Variants in GATA6 observed in about 807,000 individuals in gnomAD.
GATA6 encodes the protein GATA binding protein 6.
In GATA6, 11 loss-of-function variants were observed where a neutral mutation model predicts 48.1. The observed-to-expected ratio is 0.23, with a 90% CI of 0.14 to 0.38. The LOEUF (loss-of-function observed/expected upper bound fraction) is 0.38, where lower values mean the gene tolerates loss of function less well. Among genes scored for constraint, GATA6 ranks in the 10% least tolerant of loss-of-function variants. GATA6 has a pLI of 1.00. For missense variants in GATA6, 795 were observed against 850.3 expected, an observed-to-expected ratio of 0.93 and a Z score of 0.81; for synonymous variants, 419 against 396.1, an observed-to-expected ratio of 1.06 and a Z score of -0.69.
chr18:22,183,088 T>C, intron 6 of GATA6, 45 bp downstream of exon 6: 1 of 1,418,260 alleles, frequency 7.1e-7, no homozygotes, highest in Non-Finnish European at 1.0e-6. Context: ...TGGGCTGCTC[T>C]CTAGTAAATT....
At chr18:22,181,372 G>T in intron 3 of GATA6, 81 bp from the exon 4 acceptor site, 1 of 1,475,132 alleles carries the variant, frequency 6.8e-7, no homozygotes, top group Non-Finnish European at 9.4e-7. Flanking sequence ...TGATGACAGG[G>T]ACAAAATACC....
At position 22,172,832 on chromosome 18, in the gene GATA6, A is replaced by T. The variant is rs899976227; in HGVS notation, c.1135+553A>T. On this transcript the variant is annotated intron_variant, in intron 2 of 6. Coordinates refer to ENST00000269216, the MANE Select transcript of GATA6 (RefSeq NM_005257.6). The surrounding 1 kb of genome is among the most constrained non-coding windows in gnomAD (Gnocchi z 5.2). ...AGAAGAGCACAACAGAAGAACCTAG[A>T]TGTTCCTAGGGAAGCTAGTTGGCGT... 6.6e-6 allele frequency among the ~76,000 whole-genome samples: 1 copy of T among 152,190 alleles called. No individual in the cohort carries two copies. Among genetic ancestry groups the T allele is most frequent in the Non-Finnish European group, 1.5e-5 (1 of 68,032 alleles).
intron 6 of GATA6, among the ~76,000 whole-genome samples, chr18:22,187,099 CA>C (rs1447184584): frequency 1.3e-5 from 2 of 152,066 alleles, no homozygotes; most frequent in Non-Finnish European, 2.9e-5. Flanking sequence ...CTTTCTGTGG[CA>C]AAAATAGTCT....
chr18:22,171,911 C>T lies in GATA6; in HGVS notation c.767C>T (p.Ala256Val). ...GGGCCTGGCGGCGCTGGCTCAGCCG[C>T]GGCGCACGTCTCGGCGCGCTTCCCC... ...AAGPGGAGSAAAHVSARFPYS... is the reference protein window; with the variant it reads ...AAGPGGAGSAVAHVSARFPYS... Residue 256 changes from alanine (A) to valine (V), a missense_variant, in exon 2 of 7, where the codon GCG becomes GTG. Around this residue, in one of 5 missense-constraint regions of GATA6, gnomAD observed 591 missense variants for 570.0 expected, o/e 1.04. Transcript: ENST00000269216. This position sits in a 1 kb window ranked among gnomAD's most constrained non-coding sequence, Gnocchi z 7.1. 1 of 1,166,090 alleles carries T rather than the reference C, an allele frequency of 8.6e-7. No individual in the cohort carries two copies. 72.2% of individuals were successfully genotyped at this position (1,166,090 alleles called of 1,614,324 possible).
chr18:22,192,531 T>C lies in GATA6; in HGVS notation c.1621-8125T>C, dbSNP rs1458763615. ...TTTTATTCCTTCTGATACTTAGTAC[T>C]TTCCTAATGCTTTTTGTGGTTTAAG... On this transcript the variant is annotated intron_variant, in intron 6 of 6. Coordinates refer to ENST00000269216, the MANE Select transcript of GATA6 (RefSeq NM_005257.6). Among the ~76,000 whole-genome samples, 3 of 152,224 alleles carry C rather than the reference T, an allele frequency of 2.0e-5. No homozygotes were observed. In the South Asian group the frequency reaches 6.2e-4, roughly 32 times the overall value.
At chr18:22,193,668 T>TG in intron 6 of GATA6, among the ~76,000 whole-genome samples, 1 of 152,318 alleles carries the variant, frequency 6.6e-6, no homozygotes, top group East Asian at 1.9e-4. Flanking sequence ...CATCAAAGTC[T>TG]TCTGCTCTGG....
intron 6 of GATA6, among the ~76,000 whole-genome samples, chr18:22,195,648 T>G (rs1197005599): frequency 6.6e-6 from 1 of 152,168 alleles, no homozygotes; most frequent in African/African-American, 2.4e-5. Context: ...TCTCCCCTCC[T>G]CCCAGGGGAC....
At chr18:22,181,791 T>A (rs1334542390) in intron 4 of GATA6, among the ~76,000 whole-genome samples, 1 of 152,204 alleles carries the variant, frequency 6.6e-6, no homozygotes, top group Non-Finnish European at 1.5e-5. Flanking sequence ...TATTACCTTA[T>A]GCACCAGTAG....
chr18:22,178,580 A>G (rs978727655), intron 3 of GATA6, among the ~76,000 whole-genome samples: 2 of 152,216 alleles, frequency 1.3e-5, no homozygotes, highest in African/African-American at 2.4e-5. Flanking sequence ...AAATTGCATC[A>G]CAATGTAAGT....
chr18:22,186,431 C>G (rs1186638550), intron 6 of GATA6, among the ~76,000 whole-genome samples: 1 of 152,166 alleles, frequency 6.6e-6, no homozygotes, highest in East Asian at 1.9e-4. Context: ...TTTAATTCCC[C>G]ACTGAAAAAT....
In GATA6 at chr18:22,202,405, G is replaced by T. The variant is rs889978985; in HGVS notation, c.*1582G>T. The T allele has an allele frequency of 6.6e-6, 1 of 152,126 alleles. No individual in the cohort carries two copies. Among genetic ancestry groups the T allele is most frequent in the African/African-American group, 2.4e-5 (1 of 41,430 alleles). The allele number at this position is 152,126 out of a possible 1,614,324, so 9.4% of individuals were successfully genotyped here. A position where few individuals can be genotyped will look rare whatever the true frequency, so the allele number is the denominator to read the frequency against. On this transcript the variant is annotated 3_prime_UTR_variant, in exon 7 of 7. Transcript: ENST00000269216. Reference sequence around the variant, plus strand: ...TCAAAGCTCACCTGAGGTTGCAGACGTTACCCCCAACAGAAGATAGGTAGA... The same window carrying T: ...TCAAAGCTCACCTGAGGTTGCAGACTTTACCCCCAACAGAAGATAGGTAGA...
intron 6 of GATA6, among the ~76,000 whole-genome samples, chr18:22,190,491 T>C (rs892666543): frequency 2.0e-5 from 3 of 152,194 alleles, no homozygotes; most frequent in Non-Finnish European, 4.4e-5. Context: ...CATTTCTTAA[T>C]AGTGAAGTGC....
At chr18:22,174,297 C>G (rs949398809) in intron 2 of GATA6, among the ~76,000 whole-genome samples, 1 of 152,206 alleles carries the variant, frequency 6.6e-6, no homozygotes, top group Non-Finnish European at 1.5e-5. Flanking sequence ...CTCCAGGTTC[C>G]TTTCCTCCAA....
rs61731977 is a variant in GATA6 at position 22,181,500 on chromosome 18, A to G, written c.1350A>G (p.Thr450=). 1.3e-4 allele frequency: 217 copies of G among 1,614,160 alleles called. No individual in the cohort carries two copies. The African/African-American group carries it at 2.5e-3, about 19-fold the overall frequency. ...TGTCCTGTGCCAACTGTCACACCACAACTACCACCTTATGGCGCAGAAACG... is the reference window on the plus strand; with the variant it reads ...TGTCCTGTGCCAACTGTCACACCACGACTACCACCTTATGGCGCAGAAACG... ...LGLSCANCHT[T]TTTLWRRNAE... The change falls in exon 4 of 7, where the codon ACA becomes ACG. Residue 450 remains threonine (T), a synonymous_variant. Transcript: ENST00000269216.
intron 6 of GATA6, among the ~76,000 whole-genome samples, chr18:22,191,208 GGTTT>G (rs1309953960): frequency 8.6e-5 from 13 of 151,958 alleles, no homozygotes; most frequent in Middle Eastern, 3.4e-3. Context: ...ACAGAATTGT[GGTTT>G]ATTTAATAAG....
intron 6 of GATA6, among the ~76,000 whole-genome samples, chr18:22,198,586 G>C (rs937846283): frequency 2.0e-5 from 3 of 152,214 alleles, no homozygotes; most frequent in Non-Finnish European, 2.9e-5. Flanking sequence ...AGTTGGACGT[G>C]AGATGTATCA....
At position 22,202,335 on chromosome 18, in the gene GATA6, G is replaced by A. The variant is rs2033473522; in HGVS notation, c.*1512G>A. The A allele has an allele frequency of 6.6e-6, 1 of 152,132 alleles. No homozygotes were observed. The highest frequency in any genetic ancestry group is 2.4e-5 in the African/African-American group (1 of 41,422). 9.4% of individuals were successfully genotyped at this position (152,132 alleles called of 1,614,324 possible). On this transcript the variant is annotated 3_prime_UTR_variant, in exon 7 of 7. Transcript: ENST00000269216. ...AAATATATTCTGGCCCACGAACAGG[G>A]CGATTTCCTTTCAGTTTTTTCCTTT...
Position 22,171,241 on chromosome 18 carries a change from T to A in GATA6, c.97T>A (p.Ser33Thr). The stretch of plus-strand genomic sequence containing the variant: ...CAGAGCCTTTCCAGCGCGGGAGCCC[T>A]CCACGCCGCCTTCCCCCATCTCTTC... ...DSRAFPAREP[S>T]TPPSPISSSS... Residue 33 changes from serine to threonine, a missense_variant, in exon 2 of 7, where the codon TCC (serine) becomes ACC (threonine). By Grantham distance (58) the Ser-to-Thr change is moderately conservative. This residue lies in a region of GATA6 where 591 missense variants were observed against 570.0 expected (regional missense o/e 1.04). Coordinates refer to ENST00000269216, the MANE Select transcript of GATA6 (RefSeq NM_005257.6). This position sits in a 1 kb window ranked among gnomAD's most constrained non-coding sequence, Gnocchi z 7.1. 1 of 1,598,892 alleles carries A rather than the reference T, an allele frequency of 6.3e-7. No individual in the cohort carries two copies. The highest frequency in any genetic ancestry group is 8.5e-7 in the Non-Finnish European group (1 of 1,179,098).
intron 6 of GATA6, among the ~76,000 whole-genome samples, chr18:22,191,797 T>G (rs565069056): frequency 1.3e-5 from 2 of 152,380 alleles, no homozygotes; most frequent in East Asian, 3.9e-4. Flanking sequence ...ATTATTTTAT[T>G]GACCTCATAT....
Sources: gnomAD v4.1 joint callset for allele counts (sites outside exome capture counted in the v4.1 genomes callset) on GRCh38, gnomAD v4.1.1 for gene constraint, gnomAD v4.1.1 regional missense constraint, Gnocchi (gnomAD v3.1) non-coding constraint, MANE v1.5 for transcripts, NCBI Gene and HGNC (gene_info 2026-07-23, HGNC 2026-07-21) for gene names.